The following SH2D7 variants were observed in gnomAD, a reference collection of about 807,000 sequenced individuals.
SH2D7 encodes SH2 domain containing 7.
In SH2D7, 32 loss-of-function variants were observed where a neutral mutation model predicts 40.8. The observed-to-expected ratio is 0.78, with a 90% CI of 0.59 to 1.05. SH2D7 has a LOEUF of 1.05. Ranked by LOEUF, SH2D7 falls within the 50% of genes least tolerant of loss-of-function variation. The pLI is 0.00. For synonymous variants in SH2D7, 195 were observed against 221.5 expected (o/e 0.88, Z 1.06); for missense variants, 559 against 566.6 (o/e 0.99, Z 0.14).
intron 2 of SH2D7, 73 bp downstream of exon 2, chr15:78,094,274 C>G (rs1368642330): frequency 3.5e-6 from 5 of 1,435,850 alleles, no homozygotes; most frequent in Non-Finnish European, 4.8e-6. Flanking sequence ...GTGCAGAGGC[C>G]CCACTGGCCC....
At chr15:78,090,857 T>C (rs934079490), upstream of SH2D7, among the ~76,000 whole-genome samples, 3 of 152,116 alleles carry the variant, frequency 2.0e-5, no homozygotes, top group African/African-American at 7.2e-5. Context: ...AAGTAGAACA[T>C]AGACATAGAA....
chr15:78,095,761 A>T (rs1226295642), intron 2 of SH2D7, among the ~76,000 whole-genome samples: 1 of 152,226 alleles, frequency 6.6e-6, no homozygotes, highest in Non-Finnish European at 1.5e-5. Context: ...AGTTTTTTTA[A>T]ACAGGACACA....
chr15:78,103,479 G>A lies in SH2D7; in HGVS notation c.1320G>A (p.Arg440=). ...TGRTHKPDKL[R]RLFFTYRKHK... ...CTTCCTTGCAGCCTGACAAGCTTCG[G>A]AGGCTCTTCTTCACGTACAGGAAGC... is the stretch of plus-strand genomic sequence containing the variant. Residue 440 remains arginine, a synonymous_variant, in exon 6 of 6, where the codon CGG becomes CGA. Transcript: ENST00000328828. 1.3e-6 allele frequency: 2 copies of A among 1,562,380 alleles called. No homozygotes were observed. Among genetic ancestry groups the A allele is most frequent in the Non-Finnish European group, 1.7e-6 (2 of 1,152,472 alleles).
intron 2 of SH2D7, among the ~76,000 whole-genome samples, chr15:78,094,714 T>A (rs894113749): frequency 6.6e-6 from 1 of 152,106 alleles, no homozygotes; most frequent in Non-Finnish European, 1.5e-5. Context: ...CTGTAGACCA[T>A]GAAGGATGAT....
chr15:78,102,088 T>C (rs117297950), intron 5 of SH2D7, among the ~76,000 whole-genome samples: 5,793 of 152,036 alleles, frequency 0.038, 259 homozygotes, highest in East Asian at 0.25. Flanking sequence ...CCCATCTCTA[T>C]GAAAAAATAC....
intron 4 of SH2D7, among the ~76,000 whole-genome samples, chr15:78,100,345 C>T (rs140201103): frequency 3.9e-5 from 6 of 152,086 alleles, no homozygotes; most frequent in East Asian, 3.9e-4. Context: ...GGGAGGAGCA[C>T]GGGAAGGGAA....
Position 78,101,561 on chromosome 15 carries a change from G to GAGCTCCATGATGGGGTGGGGC in SH2D7, c.1305+4_1305+24dup. The GAGCTCCATGATGGGGTGGGGC allele has an allele frequency of 6.4e-7, 1 of 1,569,296 alleles. No individual in the cohort carries two copies. The highest frequency in any genetic ancestry group is 8.6e-7 in the Non-Finnish European group (1 of 1,159,598). On this transcript the variant is annotated splice_donor_region_variant and intron_variant, in intron 5 of 5. Coordinates refer to ENST00000328828, the MANE Select transcript of SH2D7 (RefSeq NM_001101404.2). ...AGGAGACTGGACGGACACACAAGGT[G>GAGCTCCATGATGGGGTGGGGC]AGCTCCATGATGGGGTGGGGCGGCT...
In SH2D7 at chr15:78,097,798, A is replaced by G. The variant is rs1006783752; in HGVS notation, c.267-131A>G. ...GCTCCAAGTGGGGTACAGTGGCCCC[A>G]GGTCAGGCAGGTCTGTTCTGGATCA... On this transcript the variant is annotated intron_variant, in intron 2 of 5. Coordinates refer to ENST00000328828, the MANE Select transcript of SH2D7 (RefSeq NM_001101404.2). 2.1e-5 allele frequency: 24 copies of G among 1,157,216 alleles called. No homozygotes were observed. In the African/African-American group the frequency reaches 3.1e-4, roughly 15 times the overall value. 71.7% of individuals were successfully genotyped at this position (1,157,216 alleles called of 1,614,324 possible).
chr15:78,102,929 T>G (rs1217423027), intron 5 of SH2D7, among the ~76,000 whole-genome samples: 1 of 152,138 alleles, frequency 6.6e-6, no homozygotes, highest in Non-Finnish European at 1.5e-5. Context: ...TCCTGGGAAG[T>G]GCTGACGGCT....
At chr15:78,091,407 T>C (rs1354164811), upstream of SH2D7, 1 of 152,144 alleles carries the variant, frequency 6.6e-6, no homozygotes, top group Non-Finnish European at 1.5e-5. Flanking sequence ...TCATGCCCAT[T>C]TTACAGATGA....
At chr15:78,097,805 G>A in intron 2 of SH2D7, 124 bp from the exon 3 acceptor site, 2 of 1,232,646 alleles carry the variant, frequency 1.6e-6, no homozygotes, top group Non-Finnish European at 2.2e-6. Flanking sequence ...CCCAGGTCAG[G>A]CAGGTCTGTT....
chr15:78,095,046 A>T (rs2073962343), intron 2 of SH2D7, among the ~76,000 whole-genome samples: 1 of 152,210 alleles, frequency 6.6e-6, no homozygotes, highest in African/African-American at 2.4e-5. Context: ...CTGATTCAAA[A>T]TTGTCACATA....
At chr15:78,101,595 T>G in intron 5 of SH2D7, 37 bp downstream of exon 5, 2 of 1,521,046 alleles carry the variant, frequency 1.3e-6, no homozygotes, top group Non-Finnish European at 1.8e-6. Flanking sequence ...CTCCCAGCCC[T>G]TAGAGAGCAC....
Position 78,101,138 on chromosome 15 carries a change from G to T in SH2D7, c.885G>T (p.Leu295=). Residue 295 remains leucine, a synonymous_variant, in exon 5 of 6, where the codon CTG becomes CTT. Transcript: ENST00000328828. The part of the protein sequence containing the change: ...SDGEQNRPDG[L]GPVLSGVSPD... ...GAGAACAGAACAGGCCTGATGGCCT[G>T]GGGCCTGTCCTTTCTGGGGTGAGCC... The T allele has an allele frequency of 6.4e-7, 1 of 1,559,896 alleles. No individual in the cohort carries two copies.
At chr15:78,092,244 C>T (rs2073943957), upstream of SH2D7, among the ~76,000 whole-genome samples, 1 of 152,194 alleles carries the variant, frequency 6.6e-6, no homozygotes, top group Non-Finnish European at 1.5e-5. Flanking sequence ...TGGACTTTTG[C>T]CAGGGTCTGA....
At chr15:78,091,555 A>G (rs372442930), upstream of SH2D7, among the ~76,000 whole-genome samples, 15 of 152,252 alleles carry the variant, frequency 9.9e-5, no homozygotes, top group East Asian at 2.9e-3. Flanking sequence ...TGACTGCACC[A>G]TCTGCTGCCT....
At chr15:78,097,465 G>A (rs972736469) in intron 2 of SH2D7, among the ~76,000 whole-genome samples, 3 of 152,222 alleles carry the variant, frequency 2.0e-5, no homozygotes, top group Non-Finnish European at 4.4e-5. Flanking sequence ...GCAGGGTGGG[G>A]AGTAGGGTGA....
rs1220176633 is a variant in SH2D7, at chr15:78,098,095, G to T, written c.432+1G>T. 1 of 1,605,022 alleles carries T rather than the reference G, an allele frequency of 6.2e-7. No individual in the cohort carries two copies. Among genetic ancestry groups the T allele is most frequent in the Admixed American group, 1.7e-5 (1 of 58,718 alleles). ...GATGCTGACTGCTGCCTGCCCCCGG[G>T]TAGGCGCCCCACTTCCCCAGGGTGA... On this transcript the variant is annotated splice_donor_variant, in intron 3 of 5. Coordinates refer to ENST00000328828, the MANE Select transcript of SH2D7 (RefSeq NM_001101404.2). LOFTEE classifies it high-confidence loss of function.
intron 4 of SH2D7, among the ~76,000 whole-genome samples, chr15:78,099,109 T>G (rs1367342771): frequency 1.3e-5 from 2 of 151,874 alleles, no homozygotes; most frequent in African/African-American, 2.4e-5. Context: ...CGCCGTCTCC[T>G]GGGTTCAAGT....
Sources: allele counts gnomAD v4.1 joint callset (sites outside exome capture counted in the v4.1 genomes callset), GRCh38; gene constraint gnomAD v4.1.1; transcripts MANE v1.5; gene names NCBI Gene and HGNC (gene_info 2026-07-23, HGNC 2026-07-21).